Variants in PRKCE observed in about 807,000 individuals in gnomAD.
The protein encoded by PRKCE is protein kinase C epsilon type.
A neutral mutation model predicts 85.4 loss-of-function variants in PRKCE; 16 were observed. The observed-to-expected ratio is 0.19, with a 90% CI of 0.13 to 0.28. The LOEUF (loss-of-function observed/expected upper bound fraction) is 0.28. Ranked by LOEUF, PRKCE falls within the 10% of genes least tolerant of loss-of-function variation. PRKCE has a pLI of 1.00. For missense variants in PRKCE, 573 were observed against 975.2 expected, an observed-to-expected ratio of 0.59 and a Z score of 5.49; for synonymous variants, 388 against 371.5, an observed-to-expected ratio of 1.04 and a Z score of -0.51.
intron 3 of PRKCE, 62 bp downstream of exon 3, chr2:45,976,650 G>A: frequency 1.3e-6 from 2 of 1,558,572 alleles, no homozygotes; most frequent in South Asian, 2.3e-5. Flanking sequence ...TCGGGGATGG[G>A]GTAGGGGAGA....
At chr2:45,761,810 T>C (rs904633831) in intron 1 of PRKCE, among the ~76,000 whole-genome samples, 1 of 152,202 alleles carries the variant, frequency 6.6e-6, no homozygotes, top group Admixed American at 6.5e-5. Flanking sequence ...TTCTGATCCC[T>C]GAGCCACCCC....
At chr2:46,085,785 T>C (rs1172905372) in intron 10 of PRKCE, among the ~76,000 whole-genome samples, 2 of 107,120 alleles carry the variant, frequency 1.9e-5, no homozygotes, top group African/African-American at 4.0e-5. Context: ...CCATATAAGG[T>C]AACATTCACA....
At chr2:45,764,807 G>T (rs1175642459) in intron 1 of PRKCE, among the ~76,000 whole-genome samples, 1 of 152,158 alleles carries the variant, frequency 6.6e-6, no homozygotes, top group Non-Finnish European at 1.5e-5. Flanking sequence ...AAATGAATTA[G>T]ACTATATATA....
intron 1 of PRKCE, among the ~76,000 whole-genome samples, chr2:45,752,005 G>T (rs1225996979): frequency 6.7e-6 from 1 of 149,016 alleles, no homozygotes; most frequent in Non-Finnish European, 1.5e-5. Flanking sequence ...TTTTAGTAGA[G>T]ACGGGGTTTC....
chr2:45,769,101 T>G (rs1685121336), intron 1 of PRKCE, among the ~76,000 whole-genome samples: 1 of 152,230 alleles, frequency 6.6e-6, no homozygotes, highest in Non-Finnish European at 1.5e-5. Flanking sequence ...TCAATCCAAA[T>G]TTAAAATTCT....
intron 11 of PRKCE, among the ~76,000 whole-genome samples, chr2:46,135,775 A>ATTTTTTTTTTTTTTTTTTT (rs1674928141): frequency 1.2e-4 from 2 of 16,086 alleles, no homozygotes; most frequent in African/African-American, 2.3e-4. Context: ...TTTTTTTTTA[A>ATTTTTTTTTTTTTTTTTTT]TGTAGGGGAA....
intron 1 of PRKCE, among the ~76,000 whole-genome samples, chr2:45,653,993 G>C (rs1029531976): frequency 1.3e-5 from 2 of 152,214 alleles, no homozygotes; most frequent in Non-Finnish European, 2.9e-5. Context: ...GCATATGAGA[G>C]GGGGAGTGGA....
chr2:46,050,494 C>T (rs998658097), intron 10 of PRKCE, among the ~76,000 whole-genome samples: 12 of 152,340 alleles, frequency 7.9e-5, no homozygotes, highest in African/African-American at 2.9e-4. Context: ...AGTCTTTTGG[C>T]TTCCTTTCCT....
At chr2:45,902,470 G>A (rs551351983) in intron 2 of PRKCE, among the ~76,000 whole-genome samples, 1 of 152,274 alleles carries the variant, frequency 6.6e-6, no homozygotes, top group South Asian at 2.1e-4. Context: ...TAGAAATGAA[G>A]TAATCAGAAA....
chr2:45,884,993 A>ATT (rs1294443991), intron 2 of PRKCE, among the ~76,000 whole-genome samples: 5 of 68,592 alleles, frequency 7.3e-5, no homozygotes, highest in African/African-American at 2.4e-4. Context: ...ATATATATAT[A>ATT]TATATATATT....
chr2:46,033,286 C>CA (rs1457563822), intron 10 of PRKCE, among the ~76,000 whole-genome samples: 3 of 152,212 alleles, frequency 2.0e-5, no homozygotes, highest in Non-Finnish European at 2.9e-5. Context: ...TCATCTTCCT[C>CA]ACTGGGCGTG....
intron 1 of PRKCE, among the ~76,000 whole-genome samples, chr2:45,696,997 G>T (rs2104159572): frequency 6.6e-6 from 1 of 152,206 alleles, no homozygotes; most frequent in East Asian, 1.9e-4. Flanking sequence ...TTTCCCCCTT[G>T]GCTTTTGTAC....
At chr2:46,035,486 C>G (rs1414752379) in intron 10 of PRKCE, among the ~76,000 whole-genome samples, 2 of 152,220 alleles carry the variant, frequency 1.3e-5, no homozygotes, top group Non-Finnish European at 2.9e-5. Context: ...CTGCTCCATC[C>G]CCACCTCATA....
chr2:45,654,175 T>A (rs974558662), intron 1 of PRKCE, among the ~76,000 whole-genome samples: 1 of 152,208 alleles, frequency 6.6e-6, no homozygotes, highest in African/African-American at 2.4e-5. Context: ...AGAGCAGGGA[T>A]GAGGAGCAGC....
chr2:46,123,950 A>T (rs1247017757), intron 11 of PRKCE, among the ~76,000 whole-genome samples: 3 of 152,268 alleles, frequency 2.0e-5, no homozygotes, highest in Admixed American at 6.5e-5. Context: ...GGCAGTGCTG[A>T]GTGCCAGCAG....
At chr2:45,811,206 C>T (rs1390017518) in intron 1 of PRKCE, among the ~76,000 whole-genome samples, 1 of 152,184 alleles carries the variant, frequency 6.6e-6, no homozygotes, top group Non-Finnish European at 1.5e-5. Context: ...ATCTCTAGTT[C>T]CTGCTGTAGC....
chr2:46,161,400 G>A (rs943529836), intron 14 of PRKCE, among the ~76,000 whole-genome samples: 5 of 152,208 alleles, frequency 3.3e-5, no homozygotes, highest in South Asian at 4.1e-4. Flanking sequence ...GTGAAGAATC[G>A]AGGCCCAACT....
chr2:45,704,643 G>A (rs756701435), intron 1 of PRKCE, among the ~76,000 whole-genome samples: 11 of 152,256 alleles, frequency 7.2e-5, no homozygotes, highest in Non-Finnish European at 1.2e-4. Context: ...GCATCGCCAC[G>A]CCAGTCTTTT....
chr2:46,136,838 A>G (rs1306340856), intron 11 of PRKCE, among the ~76,000 whole-genome samples: 1 of 152,232 alleles, frequency 6.6e-6, no homozygotes, highest in East Asian at 1.9e-4. Context: ...TCACCGGGCT[A>G]TGCTAAAAGT....
Sources: gnomAD v4.1 joint callset for allele counts (sites outside exome capture counted in the v4.1 genomes callset) on GRCh38, gnomAD v4.1.1 for gene constraint, MANE v1.5 for transcripts, NCBI Gene and HGNC (gene_info 2026-07-23, HGNC 2026-07-21) for gene names.